NSMAF: variants seen among roughly 807,000 people sequenced by gnomAD.
NSMAF encodes the protein protein FAN.
In NSMAF, 90 loss-of-function variants were observed where a neutral mutation model predicts 134.9. The observed-to-expected ratio is 0.67, with a 90% CI of 0.56 to 0.79. The LOEUF (loss-of-function observed/expected upper bound fraction) is 0.79. NSMAF is among the 30% of genes least tolerant of loss of function. The pLI, the probability that NSMAF is intolerant of heterozygous loss-of-function variation, is 0.00. For synonymous variants in NSMAF, 358 were observed against 389.6 expected (o/e 0.92, Z 0.96); for missense variants, 1,010 against 1,119.0 (o/e 0.90, Z 1.39).
At chr8:58,607,669 T>C (rs771460117) in intron 11 of NSMAF, 100 bp downstream of exon 11, 27 of 886,204 alleles carry the variant, frequency 3.0e-5, no homozygotes, top group Non-Finnish European at 4.9e-5. Flanking sequence ...GACAGTGTAC[T>C]TGTACTTTCA....
rs1018380152 is a variant in NSMAF at position 58,591,481 on chromosome 8, C to CTTTTTT, written c.1952-553_1952-548dup. Among the ~76,000 whole-genome samples the CTTTTTT allele has an allele frequency of 2.6e-4, 25 of 94,482 alleles. 1 individual carries two copies. The highest frequency in any genetic ancestry group is 7.2e-4 in the East Asian group (2 of 2,784). The allele number at this position is 94,482 out of a possible 152,430, so 62.0% of individuals were successfully genotyped here. ...ATTTTCTTGTGTAACAGAAACCTTC[C>CTTTTTT]TTTTTTTTTTTTTTTTTTTTTTTTT... On this transcript the variant is annotated intron_variant, in intron 23 of 30. Transcript: ENST00000038176.
In NSMAF at chr8:58,602,090, C is replaced by T. The variant is rs766555480; in HGVS notation, c.1093G>A (p.Ala365Thr). 6.2e-7 allele frequency: 1 copy of T among 1,613,570 alleles called. No individual in the cohort carries two copies. Among genetic ancestry groups the T allele is most frequent in the South Asian group, 1.1e-5 (1 of 91,056 alleles). Residue 365 changes from alanine to threonine, a missense_variant, in exon 14 of 31, where the codon GCC becomes ACC. Transcript: ENST00000038176. ...TFRDLSKPVG[A>T]LNKERLERLL... ...CTCTCCAGCCGTTCCTTATTTAGGGCCCCTACTGGCTTACTGAGATCCCGG... is the reference window on the plus strand; with the variant it reads ...CTCTCCAGCCGTTCCTTATTTAGGGTCCCTACTGGCTTACTGAGATCCCGG...
chr8:58,615,231 TCAC>T (rs375315744), intron 9 of NSMAF, among the ~76,000 whole-genome samples: 200 of 152,214 alleles, frequency 1.3e-3, no homozygotes, highest in African/African-American at 4.4e-3. Flanking sequence ...AAGAAATAAA[TCAC>T]CACTGACAAT....
At chr8:58,617,073 T>C (rs992461232) in intron 9 of NSMAF, among the ~76,000 whole-genome samples, 3 of 152,218 alleles carry the variant, frequency 2.0e-5, no homozygotes, top group Non-Finnish European at 2.9e-5. Context: ...TACTATCTTT[T>C]GGTCTGTTCT....
intron 2 of NSMAF, 81 bp from the exon 3 acceptor site, chr8:58,635,627 C>T (rs1434277247): frequency 3.6e-6 from 3 of 834,544 alleles, no homozygotes; most frequent in Non-Finnish European, 5.7e-6. Flanking sequence ...AACTAGAAAG[C>T]AGGTTACTAA....
rs569428315 is a variant in NSMAF at position 58,643,809 on chromosome 8, G to A, written c.60-736C>T. ...GCCTCCCAAAGTGCTGGGATTACAA[G>A]CATGAGCCACCGGCCCAGCCAACAG... On this transcript the variant is annotated intron_variant, in intron 1 of 30. Coordinates refer to ENST00000038176, the MANE Select transcript of NSMAF (RefSeq NM_003580.4). 2.2e-3 allele frequency among the ~76,000 whole-genome samples: 334 copies of A among 152,308 alleles called. 2 individuals are homozygous for A. The highest frequency in any genetic ancestry group is 7.7e-3 in the African/African-American group (320 of 41,568).
chr8:58,614,081 C>T (rs1017144563), intron 9 of NSMAF, among the ~76,000 whole-genome samples: 8 of 152,240 alleles, frequency 5.3e-5, no homozygotes, highest in African/African-American at 1.7e-4. Flanking sequence ...TGTAAGTGCA[C>T]CCTATGATGT....
chr8:58,627,157 G>T (rs1421984987), intron 6 of NSMAF, among the ~76,000 whole-genome samples: 2 of 152,208 alleles, frequency 1.3e-5, no homozygotes, highest in Non-Finnish European at 2.9e-5. Flanking sequence ...CACTCTGTGG[G>T]TTGTCTGTTT....
intron 2 of NSMAF, chr8:58,637,171 C>T (rs945207864): frequency 6.4e-6 from 2 of 314,504 alleles, no homozygotes; most frequent in Non-Finnish European, 1.3e-5. Context: ...CCAATGTCAG[C>T]ATCGTCTACT....
intron 23 of NSMAF, 27 bp from the exon 24 acceptor site, chr8:58,590,961 A>T: frequency 6.4e-7 from 1 of 1,556,794 alleles, no homozygotes; most frequent in Non-Finnish European, 8.8e-7. Context: ...AAGTAGATAT[A>T]TAAGAAAGAT....
intron 9 of NSMAF, among the ~76,000 whole-genome samples, chr8:58,622,324 C>T (rs1377569640): frequency 6.6e-6 from 1 of 152,046 alleles, no homozygotes; most frequent in East Asian, 1.9e-4. Context: ...GCCTCGACCT[C>T]CTGGGCTCAA....
At position 58,635,333 on chromosome 8, in the gene NSMAF, C is replaced by T; in HGVS notation, c.268G>A (p.Glu90Lys). ...GTGAAGTGTCTATTGGCTCCATTTT[C>T]TCCATGCTTTCCTATTTTTATACAG... is the stretch of plus-strand genomic sequence containing the variant. ...RDCIKIGKHG[E>K]NGANRHFTKA... Residue 90 changes from glutamate to lysine, a missense_variant, in exon 4 of 31, where the codon GAA becomes AAA. Glu to Lys is a moderately conservative substitution (Grantham distance 56). Transcript: ENST00000038176. 1 of 1,609,318 alleles carries T rather than the reference C, an allele frequency of 6.2e-7. No homozygotes were observed. The highest frequency in any genetic ancestry group is 8.5e-7 in the Non-Finnish European group (1 of 1,178,400).
chr8:58,626,091 C>CGTTTTTTTTTTTTTTTTTT, intron 6 of NSMAF, among the ~76,000 whole-genome samples: 1 of 99,370 alleles, frequency 1.0e-5, no homozygotes, highest in Non-Finnish European at 1.9e-5. Context: ...TTATATAATT[C>CGTTTTTTTTTTTTTTTTTT]TTTTTTTTTT....
intron 5 of NSMAF, 24 bp downstream of exon 5, chr8:58,635,164 GA>G: frequency 1.9e-6 from 3 of 1,583,054 alleles, no homozygotes; most frequent in Non-Finnish European, 2.6e-6. Flanking sequence ...TTCAGATTAG[GA>G]AAAAATATTT....
intron 21 of NSMAF, among the ~76,000 whole-genome samples, chr8:58,596,443 G>A (rs569904028): frequency 1.9e-4 from 29 of 152,210 alleles, no homozygotes; most frequent in Admixed American, 1.7e-3. Context: ...GTTGTCTTAG[G>A]TAAAATCTAA....
At chr8:58,588,724 C>A (rs146520291) in intron 26 of NSMAF, 433,916 of 1,486,772 alleles carry the variant, frequency 0.29, 66,101 homozygotes, top group South Asian at 0.36. Flanking sequence ...GTGGCCGCGG[C>A]CCTTTTTGGC....
chr8:58,594,594 C>T (rs1327996727), intron 22 of NSMAF: 4 of 371,720 alleles, frequency 1.1e-5, no homozygotes, highest in East Asian at 4.9e-5. Flanking sequence ...TATTCCCCCT[C>T]GTTTGACCAT....
At chr8:58,585,822 G>T in intron 29 of NSMAF, 61 bp from the exon 30 acceptor site, 1 of 1,572,258 alleles carries the variant, frequency 6.4e-7, no homozygotes, top group Non-Finnish European at 8.8e-7. Context: ...TGTTGAACTG[G>T]CCAATGTAAG....
rs1310926863 is a variant in NSMAF, at chr8:58,585,992, G to A, written c.2455C>T (p.His819Tyr). Residue 819 changes from histidine to tyrosine, a missense_variant, in exon 29 of 31, where the codon CAT becomes TAT. Coordinates refer to ENST00000038176, the MANE Select transcript of NSMAF (RefSeq NM_003580.4). ...CCATCTGTTCCTGTGCTGAGGACAT[G>A]GCGACTATCTGCAACACAAGGTGAG... is the stretch of plus-strand genomic sequence containing the variant. ...CDTAFSPDSR[H>Y]VLSTGTDGCL... 8.1e-6 allele frequency: 13 copies of A among 1,613,082 alleles called. No homozygotes were observed. The highest frequency in any genetic ancestry group is 1.1e-5 in the Non-Finnish European group (13 of 1,179,222).
Sources: allele counts gnomAD v4.1 joint callset (sites outside exome capture counted in the v4.1 genomes callset), GRCh38; gene constraint gnomAD v4.1.1; transcripts MANE v1.5; gene names NCBI Gene and HGNC (gene_info 2026-07-23, HGNC 2026-07-21).